Variants in PRR16 observed in about 807,000 individuals in gnomAD.
PRR16 encodes the protein protein Largen.
Under a neutral mutation model 18.2 loss-of-function variants are expected in PRR16, and 6 were observed. The ratio of observed to expected loss-of-function variants is 0.33; its 90% confidence interval spans 0.18 to 0.65. PRR16 has a LOEUF of 0.65. Ranked by LOEUF, PRR16 falls within the 30% of genes least tolerant of loss-of-function variation. PRR16 has a pLI of 0.74. For missense variants in PRR16, 412 were observed against 376.6 expected (o/e 1.09, Z -0.78); for synonymous variants, 151 against 147.8 (o/e 1.02, Z -0.16).
intron 1 of PRR16, among the ~76,000 whole-genome samples, chr5:120,488,733 G>A (rs1053524912): frequency 6.6e-5 from 10 of 152,158 alleles, no homozygotes; most frequent in Non-Finnish European, 1.2e-4. Flanking sequence ...TCTTTTAATT[G>A]TGATGTTAGG....
chr5:120,740,335 A>G, the PRR16 span, among the ~76,000 whole-genome samples: 1 of 152,168 alleles, frequency 6.6e-6, no homozygotes, highest in Non-Finnish European at 1.5e-5. Context: ...AGGCAAGTTT[A>G]TCTACATTTT....
At chr5:120,710,565 G>A in the PRR16 span, 1 of 152,148 alleles carries the variant, frequency 6.6e-6, no homozygotes, top group Admixed American at 6.5e-5. Context: ...TTACACTCTA[G>A]TGTGTTAGTA....
chr5:120,579,673 G>A (rs1455942720), intron 1 of PRR16, among the ~76,000 whole-genome samples: 5 of 152,168 alleles, frequency 3.3e-5, no homozygotes, highest in Non-Finnish European at 7.3e-5. Flanking sequence ...CAGGTAGCAT[G>A]TTGCCTCCAG....
At chr5:120,713,618 G>A in the PRR16 span, among the ~76,000 whole-genome samples, 6 of 152,086 alleles carry the variant, frequency 3.9e-5, no homozygotes, top group African/African-American at 9.7e-5. Context: ...ATCTGAGTCC[G>A]AAAGGCAGTA....
At chr5:120,702,916 G>A in the PRR16 span, among the ~76,000 whole-genome samples, 2 of 152,168 alleles carry the variant, frequency 1.3e-5, no homozygotes, top group Admixed American at 1.3e-4. Flanking sequence ...ACAGGGGATT[G>A]ATCTCCCAAG....
chr5:120,769,628 G>A, the PRR16 span, among the ~76,000 whole-genome samples: 1 of 151,774 alleles, frequency 6.6e-6, no homozygotes, highest in Non-Finnish European at 1.5e-5. Context: ...ATGTTGAGCT[G>A]TTTCCACTTC....
the PRR16 span, among the ~76,000 whole-genome samples, chr5:120,705,390 CAT>C: frequency 2.6e-4 from 40 of 152,012 alleles, no homozygotes; most frequent in African/African-American, 8.9e-4. Flanking sequence ...TTTTAGTAAA[CAT>C]ATATATCAGT....
chr5:120,503,184 C>A (rs1360248630), intron 1 of PRR16, among the ~76,000 whole-genome samples: 1 of 151,982 alleles, frequency 6.6e-6, no homozygotes, highest in Non-Finnish European at 1.5e-5. Flanking sequence ...ATTAAAAAAT[C>A]TTAAGTCTTG....
chr5:120,517,824 G>A (rs1164541566), intron 1 of PRR16, among the ~76,000 whole-genome samples: 1 of 152,170 alleles, frequency 6.6e-6, no homozygotes, highest in African/African-American at 2.4e-5. Flanking sequence ...AGTACTAGAA[G>A]GCCTGGGTTG....
the PRR16 span, among the ~76,000 whole-genome samples, chr5:120,712,605 ACAATT>A: frequency 2.6e-5 from 4 of 152,170 alleles, no homozygotes; most frequent in East Asian, 3.8e-4. Flanking sequence ...TATAACAAAC[ACAATT>A]CAATAGTAAA....
chr5:120,564,862 T>C (rs1752686388), intron 1 of PRR16, among the ~76,000 whole-genome samples: 1 of 151,892 alleles, frequency 6.6e-6, no homozygotes, highest in Non-Finnish European at 1.5e-5. Flanking sequence ...GGCGGGCGCC[T>C]GTAGTCCCAG....
At chr5:120,780,262 G>GT in the PRR16 span, among the ~76,000 whole-genome samples, 1 of 152,246 alleles carries the variant, frequency 6.6e-6, no homozygotes, top group Admixed American at 6.5e-5. Flanking sequence ...AAAGTTCAAT[G>GT]TTAGCCTATA....
At chr5:120,731,604 G>A in the PRR16 span, among the ~76,000 whole-genome samples, 3 of 152,116 alleles carry the variant, frequency 2.0e-5, no homozygotes, top group African/African-American at 7.2e-5. Flanking sequence ...CATTGGATTT[G>A]CACCACTGAC....
At chr5:120,587,874 A>G (rs1753500445) in intron 1 of PRR16, among the ~76,000 whole-genome samples, 1 of 152,200 alleles carries the variant, frequency 6.6e-6, no homozygotes, top group Admixed American at 6.5e-5. Flanking sequence ...CTTCTGATGG[A>G]TATGGGAAAA....
At chr5:120,608,149 G>T (rs939515458) in intron 1 of PRR16, among the ~76,000 whole-genome samples, 1 of 152,128 alleles carries the variant, frequency 6.6e-6, no homozygotes, top group Non-Finnish European at 1.5e-5. Context: ...AATATACCCA[G>T]CACTTAGTTT....
the PRR16 span, among the ~76,000 whole-genome samples, chr5:120,721,312 G>C: frequency 2.0e-5 from 3 of 151,856 alleles, no homozygotes; most frequent in Non-Finnish European, 4.4e-5. Context: ...ATTACATTAT[G>C]GGGCATGTTG....
the PRR16 span, among the ~76,000 whole-genome samples, chr5:120,713,703 C>A: frequency 6.6e-6 from 1 of 152,008 alleles, no homozygotes; most frequent in Non-Finnish European, 1.5e-5. Context: ...AGTAGTTTTT[C>A]CTCCTTTTCT....
intron 1 of PRR16, among the ~76,000 whole-genome samples, chr5:120,661,017 T>C (rs1260256082): frequency 6.6e-6 from 1 of 152,120 alleles, no homozygotes; most frequent in African/African-American, 2.4e-5. Flanking sequence ...TCTCTATACT[T>C]GAAGGATAAC....
chr5:120,516,361 G>T (rs1750991424), intron 1 of PRR16, among the ~76,000 whole-genome samples: 1 of 149,084 alleles, frequency 6.7e-6, no homozygotes, highest in African/African-American at 2.5e-5. Flanking sequence ...GGAGGCAGAG[G>T]TTGCAATGAG....
Sources: gnomAD v4.1 joint callset for allele counts (sites outside exome capture counted in the v4.1 genomes callset) on GRCh38, gnomAD v4.1.1 for gene constraint, MANE v1.5 for transcripts, NCBI Gene and HGNC (gene_info 2026-07-23, HGNC 2026-07-21) for gene names.